The following ATP13A2 variants were observed in gnomAD, a reference collection of about 807,000 sequenced individuals.
The protein encoded by ATP13A2 is polyamine-transporting ATPase 13A2.
ATP13A2 carries 83 observed loss-of-function variants against 138.3 expected under a neutral mutation model. The ratio of observed to expected loss-of-function variants is 0.60; its 90% CI spans 0.50 to 0.72. The LOEUF (loss-of-function observed/expected upper bound fraction) is 0.72, where lower values mean the gene tolerates loss of function less well. Among genes scored for constraint, ATP13A2 ranks in the 30% least tolerant of loss-of-function variants. The probability of loss-of-function intolerance (pLI) is 0.00; values close to 1 mark genes in which losing one functional copy is unlikely to be tolerated. For synonymous variants in ATP13A2, 663 were observed against 699.0 expected, an observed-to-expected ratio of 0.95 and a Z score of 0.81; for missense variants, 1,402 against 1,606.4, an observed-to-expected ratio of 0.87 and a Z score of 2.17.
chr1:17,008,802 T>C (rs1329531164), intron 1 of ATP13A2, among the ~76,000 whole-genome samples: 2 of 151,798 alleles, frequency 1.3e-5, no homozygotes, highest in Non-Finnish European at 2.9e-5. Flanking sequence ...CTACTAAAAA[T>C]ATAAAAACCA....
chr1:16,996,985 G>A (rs765061470), intron 12 of ATP13A2, 35 bp downstream of exon 12: 25 of 1,603,242 alleles, frequency 1.6e-5, no homozygotes, highest in Middle Eastern at 2.2e-4. Context: ...TGCTGAGCCC[G>A]GGATCTCTCT....
intron 1 of ATP13A2, among the ~76,000 whole-genome samples, chr1:17,009,902 C>A (rs2077716062): frequency 6.6e-6 from 1 of 152,158 alleles, no homozygotes; most frequent in South Asian, 2.1e-4. Context: ...CAGAGCCCCT[C>A]CCTGCAGGGA....
In ATP13A2 at chr1:16,995,009, G is replaced by A. The variant is rs1256410439; in HGVS notation, c.1542+967C>T. Among the ~76,000 whole-genome samples, 1 of 152,142 alleles carries A rather than the reference G, an allele frequency of 6.6e-6. No individual in the cohort carries two copies. Among genetic ancestry groups the A allele is most frequent in the Non-Finnish European group, 1.5e-5 (1 of 68,010 alleles). On this transcript the variant is annotated intron_variant, in intron 15 of 28. Transcript: ENST00000326735. This position sits in a 1 kb window ranked among gnomAD's most constrained non-coding sequence, Gnocchi z 4.1. ...CTGTGGCCCCCGACAGCCTCTGAATGTCACCTAGCCTCTGTCAACCAGGCC... is the reference window on the plus strand; with the variant it reads ...CTGTGGCCCCCGACAGCCTCTGAATATCACCTAGCCTCTGTCAACCAGGCC...
chr1:17,009,451 C>A (rs1165934280), intron 1 of ATP13A2, among the ~76,000 whole-genome samples: 1 of 144,964 alleles, frequency 6.9e-6, no homozygotes, highest in African/African-American at 2.6e-5. Context: ...GGCTGGAGCA[C>A]AGTGGCATGA....
intron 16 of ATP13A2, 94 bp downstream of exon 16, chr1:16,993,535 G>A: frequency 8.0e-7 from 1 of 1,247,540 alleles, no homozygotes; most frequent in Non-Finnish European, 1.1e-6. Flanking sequence ...GGCATAATAA[G>A]AGACCACCCT....
In ATP13A2 at chr1:16,996,232, C is replaced by A. The variant is rs1176831081; in HGVS notation, c.1353+22G>T. Reference sequence around the variant, plus strand: ...CCCTGGGCCCTGCTGGCAGCACCCCCCACCCCACCCCCAAGGCTTACCCGG... The same window carrying A: ...CCCTGGGCCCTGCTGGCAGCACCCCACACCCCACCCCCAAGGCTTACCCGG... On this transcript the variant is annotated intron_variant, in intron 14 of 28. Coordinates refer to ENST00000326735, the MANE Select transcript of ATP13A2 (RefSeq NM_022089.4). The A allele has an allele frequency of 2.5e-6, 4 of 1,613,960 alleles. No homozygotes were observed. In the South Asian group the frequency reaches 3.3e-5, roughly 13 times the overall value.
At position 16,995,576 on chromosome 1, in the gene ATP13A2, TA is replaced by T. The variant is rs777473490; in HGVS notation, c.1542+399del. 5 of 331,294 alleles carry T rather than the reference TA, an allele frequency of 1.5e-5. No individual in the cohort carries two copies. Among genetic ancestry groups the T allele is most frequent in the Non-Finnish European group, 3.0e-5 (5 of 167,914 alleles). 20.5% of individuals were successfully genotyped at this position (331,294 alleles called of 1,614,324 possible). A position where few individuals can be genotyped will look rare whatever the true frequency, so the allele number is the denominator to read the frequency against. ...GATTCTCCTGCCTCAGCCTCCCGAGTAGCTGGGATTACAAGCATGTGCCATC... is the reference window on the plus strand; with the variant it reads ...GATTCTCCTGCCTCAGCCTCCCGAGTGCTGGGATTACAAGCATGTGCCATC... On this transcript the variant is annotated intron_variant, in intron 15 of 28. Coordinates refer to ENST00000326735, the MANE Select transcript of ATP13A2 (RefSeq NM_022089.4). This position sits in a 1 kb window ranked among gnomAD's most constrained non-coding sequence, Gnocchi z 4.1.
chr1:17,003,738 A>G (rs1019582842), intron 6 of ATP13A2, among the ~76,000 whole-genome samples: 2 of 148,956 alleles, frequency 1.3e-5, no homozygotes, highest in Non-Finnish European at 3.0e-5. Context: ...ATGTTGGCTC[A>G]CTGCAACCTC....
intron 1 of ATP13A2, among the ~76,000 whole-genome samples, chr1:17,008,348 A>G (rs2077643860): frequency 6.6e-6 from 1 of 152,024 alleles, no homozygotes; most frequent in African/African-American, 2.4e-5. Flanking sequence ...TTTGCCCATC[A>G]TTTGTTCCTA....
At chr1:16,990,027 T>C (rs1229351599) in intron 21 of ATP13A2, 24 bp from the exon 22 acceptor site, 2 of 1,613,144 alleles carry the variant, frequency 1.2e-6, no homozygotes, top group Non-Finnish European at 1.7e-6. Flanking sequence ...AAGCTCAGCT[T>C]AGCTCCCCCT....
intron 12 of ATP13A2, 63 bp downstream of exon 12, chr1:16,996,957 C>G: frequency 6.4e-7 from 1 of 1,573,034 alleles, no homozygotes; most frequent in African/African-American, 1.3e-5. Flanking sequence ...CCCTGCCTCA[C>G]TCCACCTCTC....
In ATP13A2 at chr1:17,000,059, C is replaced by T; in HGVS notation, c.991G>A (p.Ala331Thr). 1.2e-6 allele frequency: 2 copies of T among 1,613,138 alleles called. No homozygotes were observed. The highest frequency in any genetic ancestry group is 1.7e-6 in the Non-Finnish European group (2 of 1,179,762). ...PQEGGLMPCD[A>T]ALVAGECMVN... ...ATGCACTCGCCGGCCACCAGGGCGG[C>T]ATCACAGGGCATCAGCCCACCCTCC... is the stretch of plus-strand genomic sequence containing the variant. Residue 331 changes from alanine to threonine, a missense_variant, in exon 11 of 29, where the codon GCC becomes ACC. Ala to Thr is a moderately conservative substitution (Grantham distance 58). Coordinates refer to ENST00000326735, the MANE Select transcript of ATP13A2 (RefSeq NM_022089.4).
In ATP13A2 at chr1:16,986,377, G is replaced by T. The variant is rs1382601265; in HGVS notation, c.3406-19C>A. The T allele has an allele frequency of 6.3e-7, 1 of 1,587,964 alleles. No individual in the cohort carries two copies. The highest frequency in any genetic ancestry group is 8.5e-7 in the Non-Finnish European group (1 of 1,170,174). On this transcript the variant is annotated intron_variant, in intron 28 of 28. Coordinates refer to ENST00000326735, the MANE Select transcript of ATP13A2 (RefSeq NM_022089.4). This position sits in a 1 kb window ranked among gnomAD's most constrained non-coding sequence, Gnocchi z 6.9. The stretch of plus-strand genomic sequence containing the variant: ...GCACGCTCTGCAAAGGGCAGGGAGG[G>T]TGTCAGGGGCAGCCGGGGCTGAGCT...
chr1:16,986,142 G>A lies in ATP13A2; in HGVS notation c.*79C>T, dbSNP rs770098952. 1.5e-5 allele frequency: 24 copies of A among 1,602,670 alleles called. No homozygotes were observed. Among genetic ancestry groups the A allele is most frequent in the Middle Eastern group, 1.7e-4 (1 of 6,038 alleles). On this transcript the variant is annotated 3_prime_UTR_variant, in exon 29 of 29. Coordinates refer to ENST00000326735, the MANE Select transcript of ATP13A2 (RefSeq NM_022089.4). This position sits in a 1 kb window ranked among gnomAD's most constrained non-coding sequence, Gnocchi z 6.9. ...CCTCAGGGATGTGGGAGGTGGTGGC[G>A]GTGGTGTTGCTGGAGAGGGGTCCAG... is the stretch of plus-strand genomic sequence containing the variant.
Position 16,986,923 on chromosome 1 carries a change from T to C in ATP13A2, c.3117A>G (p.Pro1039=), listed in dbSNP as rs2076753149. The change falls in exon 27 of 29, where the codon CCA becomes CCG. Residue 1039 remains proline (P), a synonymous_variant. Coordinates refer to ENST00000326735, the MANE Select transcript of ATP13A2 (RefSeq NM_022089.4). The surrounding 1 kb of genome is among the most constrained non-coding windows in gnomAD (Gnocchi z 6.9). ...TGTTCTCGTAGTTGGGCAGGTTGTC[T>C]GGTGCGGCCACTGTCCTGTTCAGAG... The part of the protein sequence containing the change: ...FVPLNRTVAA[P]DNLPNYENTV... The C allele has an allele frequency of 6.2e-7, 1 of 1,612,662 alleles. No homozygotes were observed. Among genetic ancestry groups the C allele is most frequent in the African/African-American group, 1.3e-5 (1 of 74,370 alleles).
chr1:16,989,366 C>T (rs1286906128), intron 23 of ATP13A2, among the ~76,000 whole-genome samples: 1 of 152,192 alleles, frequency 6.6e-6, no homozygotes, highest in African/African-American at 2.4e-5. Context: ...TGTGTCACCA[C>T]ACCTGGCTAA....
chr1:16,992,634 A>G (rs1054136432), intron 16 of ATP13A2, 53 bp from the exon 17 acceptor site: 16 of 1,584,708 alleles, frequency 1.0e-5, no homozygotes, highest in Non-Finnish European at 1.4e-5. Context: ...TCACAGAGAG[A>G]TTTGAGCTAG....
In ATP13A2 at chr1:16,996,237, C is replaced by G; in HGVS notation, c.1353+17G>C. 6.2e-7 allele frequency: 1 copy of G among 1,614,150 alleles called. No individual in the cohort carries two copies. Among genetic ancestry groups the G allele is most frequent in the Non-Finnish European group, 8.5e-7 (1 of 1,180,038 alleles). On this transcript the variant is annotated intron_variant, in intron 14 of 28. Transcript: ENST00000326735. ...GGCCCTGCTGGCAGCACCCCCCACCCCACCCCCAAGGCTTACCCGGTTTCG... is the reference window on the plus strand; with the variant it reads ...GGCCCTGCTGGCAGCACCCCCCACCGCACCCCCAAGGCTTACCCGGTTTCG...
chr1:17,002,086 G>C lies in ATP13A2; in HGVS notation c.653C>G (p.Pro218Arg). The change falls in exon 8 of 29, where the codon CCC becomes CGC. Residue 218 changes from proline (P) to arginine (R), a missense_variant. Coordinates refer to ENST00000326735, the MANE Select transcript of ATP13A2 (RefSeq NM_022089.4). ...CTTGACCGGTATGCTGATCACGTTG[G>C]GGCCGTAAATGGCCTTCCTGGAAGA... ...DQMVRKAIYG[P>R]NVISIPVKSY... 1 of 1,613,848 alleles carries C rather than the reference G, an allele frequency of 6.2e-7. No homozygotes were observed. Among genetic ancestry groups the C allele is most frequent in the South Asian group, 1.1e-5 (1 of 90,992 alleles).
Sources: gnomAD v4.1 joint callset for allele counts (sites outside exome capture counted in the v4.1 genomes callset) on GRCh38, gnomAD v4.1.1 for gene constraint, Gnocchi (gnomAD v3.1) non-coding constraint, MANE v1.5 for transcripts, NCBI Gene and HGNC (gene_info 2026-07-23, HGNC 2026-07-21) for gene names.